The following NPAS3 variants were observed in gnomAD, a reference collection of about 807,000 sequenced individuals.
NPAS3 encodes the protein neuronal PAS domain-containing protein 3.
In NPAS3, 14 loss-of-function variants were observed where a neutral mutation model predicts 73.1. The ratio of observed to expected loss-of-function variants is 0.19; its 90% confidence interval spans 0.13 to 0.30. The LOEUF (loss-of-function observed/expected upper bound fraction) is 0.30, where lower values mean the gene tolerates loss of function less well. Ranked by LOEUF, NPAS3 falls within the 10% of genes least tolerant of loss-of-function variation. The pLI, the probability that NPAS3 is intolerant of heterozygous loss-of-function variation, is 1.00. For synonymous variants in NPAS3, 620 were observed against 541.5 expected, an observed-to-expected ratio of 1.14 and a Z score of -2.01; for missense variants, 1,096 against 1,250.0, an observed-to-expected ratio of 0.88 and a Z score of 1.86.
chr14:33,204,048 G>T (rs1594385800), intron 2 of NPAS3, among the ~76,000 whole-genome samples: 2 of 152,126 alleles, frequency 1.3e-5, no homozygotes, highest in African/African-American at 2.4e-5. Flanking sequence ...TTGTGGTTTT[G>T]ATTTGCGTTT....
chr14:33,738,592 T>C (rs1377103936), intron 7 of NPAS3, among the ~76,000 whole-genome samples: 3 of 152,294 alleles, frequency 2.0e-5, no homozygotes, highest in African/African-American at 4.8e-5. Flanking sequence ...CATCTGCTAA[T>C]GTGAGTTGCT....
chr14:33,790,672 C>A (rs1468936038), intron 9 of NPAS3, among the ~76,000 whole-genome samples: 6 of 151,404 alleles, frequency 4.0e-5, no homozygotes, highest in African/African-American at 1.5e-4. Flanking sequence ...ATTATGATTT[C>A]TTTTTTCTTT....
intron 5 of NPAS3, among the ~76,000 whole-genome samples, chr14:33,628,380 T>A (rs966249617): frequency 1.3e-5 from 2 of 152,186 alleles, no homozygotes; most frequent in Non-Finnish European, 2.9e-5. Context: ...GAAGAAAATG[T>A]AAAGTCAATG....
intron 9 of NPAS3, among the ~76,000 whole-genome samples, chr14:33,785,849 C>T (rs2063155196): frequency 6.6e-6 from 1 of 152,224 alleles, no homozygotes; most frequent in Non-Finnish European, 1.5e-5. Context: ...ACTTTCTCTT[C>T]ATGATCAAAA....
In NPAS3 at chr14:33,543,975, A is replaced by C. The variant is rs1036240903; in HGVS notation, c.469-16146A>C. 5.0e-3 allele frequency among the ~76,000 whole-genome samples: 172 copies of C among 34,700 alleles called. 5 individuals are homozygous for C. Among genetic ancestry groups the C allele is most frequent in the African/African-American group, 0.029 (119 of 4,124 alleles). The allele number at this position is 34,700 out of a possible 152,430, so 22.8% of individuals were successfully genotyped here. ...TATATATATATATATATATATATAT[A>C]TATATATATATATATATATATATAT... On this transcript the variant is annotated intron_variant, in intron 4 of 11. Coordinates refer to ENST00000356141, the Ensembl canonical transcript of NPAS3.
intron 5 of NPAS3, among the ~76,000 whole-genome samples, chr14:33,619,799 G>A (rs2140089433): frequency 6.6e-6 from 1 of 152,336 alleles, no homozygotes; most frequent in South Asian, 2.1e-4. Context: ...ATTGGGTATA[G>A]ACGAAGATAT....
chr14:33,797,880 GTT>G (rs769651033), intron 11 of NPAS3, among the ~76,000 whole-genome samples: 239 of 148,414 alleles, frequency 1.6e-3, no homozygotes, highest in African/African-American at 5.7e-3. Flanking sequence ...ATATATATAT[GTT>G]TTTGTGTGTA....
intron 5 of NPAS3, among the ~76,000 whole-genome samples, chr14:33,658,827 C>T (rs8013971): frequency 0.56 from 85,074 of 151,874 alleles, 24,069 homozygotes; most frequent in African/African-American, 0.65. Context: ...TAATAATGCT[C>T]CTGAATCAAG....
chr14:33,303,607 G>A (rs891680241), intron 3 of NPAS3, among the ~76,000 whole-genome samples: 10 of 152,126 alleles, frequency 6.6e-5, no homozygotes, highest in Non-Finnish European at 1.5e-4. Flanking sequence ...TTATTAGCAA[G>A]CATAGATTGA....
At position 33,215,519 on chromosome 14, in the gene NPAS3, A is replaced by G. The variant is rs753434144; in HGVS notation, c.385+93A>G. The G allele has an allele frequency of 4.3e-6, 6 of 1,388,132 alleles. No individual in the cohort carries two copies. In the South Asian group the frequency reaches 7.0e-5, roughly 16 times the overall value. 86.0% of individuals were successfully genotyped at this position (1,388,132 alleles called of 1,614,324 possible). A position where few individuals can be genotyped will look rare whatever the true frequency, so the allele number is the denominator to read the frequency against. On this transcript the variant is annotated intron_variant, in intron 3 of 11. Transcript: ENST00000356141. Reference sequence around the variant, plus strand: ...CCATCATCCTTTCTTCTTTTCCTGCATATCAAATCCTTTAAAGGGATACAA... The same window carrying G: ...CCATCATCCTTTCTTCTTTTCCTGCGTATCAAATCCTTTAAAGGGATACAA...
chr14:33,638,200 ATTAC>A (rs1484561289), intron 5 of NPAS3, among the ~76,000 whole-genome samples: 1 of 152,150 alleles, frequency 6.6e-6, no homozygotes, highest in African/African-American at 2.4e-5. Flanking sequence ...TCCTTTTTAT[ATTAC>A]TTATTTTAGG....
At chr14:33,460,334 CCTT>C (rs770611601) in intron 4 of NPAS3, among the ~76,000 whole-genome samples, 11 of 152,162 alleles carry the variant, frequency 7.2e-5, no homozygotes, top group Non-Finnish European at 1.6e-4. Context: ...GTGAGGCAAT[CCTT>C]AGTTCACTGT....
chr14:33,751,918 G>A (rs2061974521), intron 7 of NPAS3, among the ~76,000 whole-genome samples: 1 of 151,982 alleles, frequency 6.6e-6, no homozygotes, highest in African/African-American at 2.4e-5. Flanking sequence ...TAAAATATGA[G>A]TTTCATAACC....
At chr14:33,218,576 A>G (rs972014991) in intron 3 of NPAS3, among the ~76,000 whole-genome samples, 1 of 152,234 alleles carries the variant, frequency 6.6e-6, no homozygotes, top group African/African-American at 2.4e-5. Flanking sequence ...AGTGCAGTTC[A>G]TAATCCAGCA....
intron 5 of NPAS3, among the ~76,000 whole-genome samples, chr14:33,577,918 C>T (rs754039071): frequency 6.6e-4 from 101 of 152,176 alleles, no homozygotes; most frequent in Non-Finnish European, 1.2e-3. Flanking sequence ...ACGAATCCTC[C>T]CCCCAATTCC....
intron 4 of NPAS3, among the ~76,000 whole-genome samples, chr14:33,453,074 C>T (rs17101213): frequency 0.015 from 2,276 of 152,168 alleles, 47 homozygotes; most frequent in African/African-American, 0.052. Context: ...GCCAGTGGAC[C>T]AGGTTCATTT....
At chr14:33,333,775 A>ATC (rs1038514405) in intron 3 of NPAS3, among the ~76,000 whole-genome samples, 12 of 152,160 alleles carry the variant, frequency 7.9e-5, no homozygotes, top group Non-Finnish European at 2.9e-5. Context: ...ACATAACTAA[A>ATC]TCTGTATCAC....
At chr14:33,208,118 G>A (rs938645628) in intron 2 of NPAS3, among the ~76,000 whole-genome samples, 25 of 147,706 alleles carry the variant, frequency 1.7e-4, no homozygotes, top group Admixed American at 1.1e-3. Context: ...TTTTTTTTCC[G>A]TTATTATGGA....
chr14:33,229,198 G>A (rs1487422814), intron 3 of NPAS3, among the ~76,000 whole-genome samples: 1 of 152,112 alleles, frequency 6.6e-6, no homozygotes, highest in African/African-American at 2.4e-5. Context: ...ACAACTAAAG[G>A]CATGAATCAC....
Sources: allele counts gnomAD v4.1 joint callset (sites outside exome capture counted in the v4.1 genomes callset), GRCh38; gene constraint gnomAD v4.1.1; transcripts MANE v1.5; gene names NCBI Gene and HGNC (gene_info 2026-07-23, HGNC 2026-07-21).